HIVEP3: variants seen among roughly 807,000 people sequenced by gnomAD.
HIVEP3 encodes the protein HIVEP zinc finger 3.
Under a neutral mutation model 152.8 loss-of-function variants are expected in HIVEP3, and 49 were observed. The ratio of observed to expected loss-of-function variants is 0.32; its 90% confidence interval spans 0.26 to 0.41. The LOEUF (loss-of-function observed/expected upper bound fraction) is 0.41, where lower values mean the gene tolerates loss of function less well. Ranked by LOEUF, HIVEP3 falls within the 10% of genes least tolerant of loss-of-function variation. HIVEP3 has a pLI of 1.00. For synonymous variants in HIVEP3, 1,269 were observed against 1,289.0 expected, an observed-to-expected ratio of 0.98 and a Z score of 0.33; for missense variants, 2,790 against 3,103.3, an observed-to-expected ratio of 0.90 and a Z score of 2.40.
chr1:41,692,293 T>G (rs146912738), intron 2 of HIVEP3, among the ~76,000 whole-genome samples: 1 of 152,298 alleles, frequency 6.6e-6, no homozygotes, highest in Non-Finnish European at 1.5e-5. Context: ...CACTTTTTGT[T>G]TGGTGATTTT....
In HIVEP3 at chr1:41,579,764, G is replaced by T; in HGVS notation, c.5034C>A (p.Ser1678=). The change falls in exon 4 of 9, where the codon TCC becomes TCA. Residue 1678 remains serine (S), a synonymous_variant. Coordinates refer to ENST00000372583, the MANE Select transcript of HIVEP3 (RefSeq NM_024503.5). ...PHPEAGRLVP[S]SSRKPRMTEV... ...CTGTCATGCGGGGCTTGCGGGAGCT[G>T]GATGGCACAAGCCTTCCTGCCTCAG... 6.3e-7 allele frequency: 1 copy of T among 1,593,058 alleles called. No homozygotes were observed. The highest frequency in any genetic ancestry group is 8.6e-7 in the Non-Finnish European group (1 of 1,164,878).
intron 2 of HIVEP3, among the ~76,000 whole-genome samples, chr1:41,697,994 C>T (rs142988189): frequency 0.015 from 2,338 of 152,288 alleles, 27 homozygotes; most frequent in Non-Finnish European, 0.018. Context: ...CAGTCACAGT[C>T]TCTCTGTGCG....
rs2124380536 is a variant in HIVEP3 at position 41,849,766 on chromosome 1, C to T, written c.-801+68647G>A. Among the ~76,000 whole-genome samples, 4 of 151,712 alleles carry T rather than the reference C, an allele frequency of 2.6e-5. No homozygotes were observed. The South Asian group carries it at 8.3e-4, about 32-fold the overall frequency. ...AGTGCAATGGCGCAATCTCGGCTCA[C>T]TGCAACCTCTGCCTCCTGGGTTCAA... On this transcript the variant is annotated intron_variant, in intron 1 of 8. Coordinates refer to ENST00000372583, the MANE Select transcript of HIVEP3 (RefSeq NM_024503.5).
At chr1:41,724,860 A>T (rs1267727033) in intron 1 of HIVEP3, among the ~76,000 whole-genome samples, 2 of 152,230 alleles carry the variant, frequency 1.3e-5, no homozygotes, top group African/African-American at 4.8e-5. Context: ...CTGAGGTGAG[A>T]GTCCGGCTGG....
At chr1:42,001,789 A>G (rs1339301876) in intron 1 of HIVEP3, among the ~76,000 whole-genome samples, 2 of 152,130 alleles carry the variant, frequency 1.3e-5, no homozygotes, top group African/African-American at 4.8e-5. Flanking sequence ...ATTTTGTACT[A>G]CTTGATAAAC....
At position 41,816,354 on chromosome 1, in the gene HIVEP3, C is replaced by A. The variant is rs895382520; in HGVS notation, c.-801+102059G>T. Among the ~76,000 whole-genome samples, 5 of 152,168 alleles carry A rather than the reference C, an allele frequency of 3.3e-5. No individual in the cohort carries two copies. In the East Asian group the frequency reaches 9.6e-4, roughly 29 times the overall value. On this transcript the variant is annotated intron_variant, in intron 1 of 8. Coordinates refer to ENST00000372583, the MANE Select transcript of HIVEP3 (RefSeq NM_024503.5). ...TTTAAGTGTTTCTCTTATTTCAGAT[C>A]AAACCCAGAAGGCAAATTTTCATTA...
At chr1:41,530,667 C>T (rs542713649) in intron 5 of HIVEP3, among the ~76,000 whole-genome samples, 1 of 152,296 alleles carries the variant, frequency 6.6e-6, no homozygotes, top group East Asian at 1.9e-4. Context: ...TGTCCTTCAG[C>T]CTAGCCTTCA....
intron 1 of HIVEP3, among the ~76,000 whole-genome samples, chr1:41,835,947 C>G (rs1233602615): frequency 6.6e-6 from 1 of 152,168 alleles, no homozygotes; most frequent in Non-Finnish European, 1.5e-5. Context: ...GAAACAGATA[C>G]CCCTAACCTG....
intron 3 of HIVEP3, among the ~76,000 whole-genome samples, chr1:41,590,720 C>T (rs1167833943): frequency 6.6e-6 from 1 of 152,162 alleles, no homozygotes; most frequent in Non-Finnish European, 1.5e-5. Flanking sequence ...TTTGCCAGAA[C>T]CCAGGTCTAG....
chr1:41,614,088 C>T (rs775004637), intron 3 of HIVEP3, among the ~76,000 whole-genome samples: 24 of 152,312 alleles, frequency 1.6e-4, no homozygotes, highest in South Asian at 1.0e-3. Context: ...GTGTGGCGTC[C>T]GGCAGCAGAT....
chr1:41,997,910 G>A (rs995222485), intron 1 of HIVEP3, among the ~76,000 whole-genome samples: 1 of 152,152 alleles, frequency 6.6e-6, no homozygotes, highest in East Asian at 1.9e-4. Context: ...GAACATATTA[G>A]CATAAATTGT....
chr1:41,613,265 G>A (rs1022066245), intron 3 of HIVEP3, among the ~76,000 whole-genome samples: 1 of 152,262 alleles, frequency 6.6e-6, no homozygotes, highest in Non-Finnish European at 1.5e-5. Context: ...TTCCAGCCCA[G>A]GCCACTCACA....
chr1:41,532,449 T>C (rs1643289562), intron 5 of HIVEP3, among the ~76,000 whole-genome samples: 3 of 152,234 alleles, frequency 2.0e-5, no homozygotes, highest in South Asian at 2.1e-4. Flanking sequence ...TGGATCACCA[T>C]TGGCCTTGAA....
chr1:41,570,714 G>A (rs905333910), intron 5 of HIVEP3, among the ~76,000 whole-genome samples: 12 of 152,174 alleles, frequency 7.9e-5, no homozygotes, highest in African/African-American at 2.7e-4. Context: ...AAATGCTGCC[G>A]ATGGCTCAGG....
chr1:42,016,510 G>C (rs577279562), intron 1 of HIVEP3, among the ~76,000 whole-genome samples: 5 of 152,172 alleles, frequency 3.3e-5, no homozygotes, highest in Admixed American at 2.6e-4. Context: ...TCCCCCGAGA[G>C]AGCCAGTGTT....
intron 5 of HIVEP3, among the ~76,000 whole-genome samples, chr1:41,526,878 C>T (rs554561084): frequency 3.4e-5 from 5 of 145,104 alleles, no homozygotes; most frequent in East Asian, 2.1e-4. Context: ...CACAGCCTCA[C>T]AAGCTCACTC....
At chr1:41,513,805 C>T (rs1642523589) in intron 7 of HIVEP3, 55 bp from the exon 8 acceptor site, 7 of 1,389,152 alleles carry the variant, frequency 5.0e-6, no homozygotes, top group Non-Finnish European at 6.7e-6. Context: ...CCCCACTGCC[C>T]ACACGGCTGC....
intron 1 of HIVEP3, among the ~76,000 whole-genome samples, chr1:41,823,365 T>C (rs896663739): frequency 1.3e-5 from 2 of 152,230 alleles, no homozygotes; most frequent in African/African-American, 2.4e-5. Context: ...AAGATGCAGA[T>C]ACAAAAGTCC....
intron 2 of HIVEP3, among the ~76,000 whole-genome samples, chr1:41,656,694 C>T (rs978255042): frequency 6.6e-6 from 1 of 152,220 alleles, no homozygotes; most frequent in Non-Finnish European, 1.5e-5. Flanking sequence ...ACATGCTCAT[C>T]TCAACTAACA....
Sources: gnomAD v4.1 joint callset for allele counts (sites outside exome capture counted in the v4.1 genomes callset) on GRCh38, gnomAD v4.1.1 for gene constraint, MANE v1.5 for transcripts, NCBI Gene and HGNC (gene_info 2026-07-23, HGNC 2026-07-21) for gene names.